The following TEX11 variants were observed in gnomAD, a reference collection of about 807,000 sequenced individuals.
TEX11 encodes testis expressed 11.
In TEX11, 7 loss-of-function variants were observed where a neutral mutation model predicts 84.4. The observed-to-expected ratio is 0.08, with a 90% confidence interval of 0.05 to 0.16. The LOEUF (loss-of-function observed/expected upper bound fraction) is 0.16. TEX11 is among the 10% of genes least tolerant of loss of function. The pLI, the probability that TEX11 is intolerant of heterozygous loss-of-function variation, is 1.00. For missense variants in TEX11, 551 were observed against 660.5 expected, an observed-to-expected ratio of 0.83 and a Z score of 1.82; for synonymous variants, 264 against 222.8, an observed-to-expected ratio of 1.18 and a Z score of -1.64.
At chrX:70,869,137 A>AAAATAAAATAAAATAAAATAAAAT (rs2091617803) in intron 4 of TEX11, among the ~76,000 whole-genome samples, 1 of 105,960 alleles carries the variant, frequency 9.4e-6, no homozygotes, top group African/African-American at 3.6e-5. Flanking sequence ...TAAAGAAAAG[A>AAAATAAAATAAAATAAAATAAAAT]AAAAGAAAAT....
At position 70,880,047 on chromosome X, in the gene TEX11, G is replaced by T; in HGVS notation, c.100C>A (p.Leu34Ile). The stretch of plus-strand genomic sequence containing the variant: ...TTGATATTTGCTATGTCGCTGAAGA[G>T]TCTATCAATTGCCTCTGGTATGTTA... ...SPNIPEAIDR[L>I]FSDIANINRE... The change falls in exon 3 of 30, where the codon CTC becomes ATC. Residue 34 changes from leucine to isoleucine, a missense_variant. Leu to Ile is a conservative substitution (Grantham distance 5, BLOSUM62 2). Coordinates refer to ENST00000374333, the MANE Select transcript of TEX11 (RefSeq NM_031276.3). 8.4e-7 allele frequency: 1 copy of T among 1,184,728 alleles called. No homozygotes were observed. Among genetic ancestry groups the T allele is most frequent in the Non-Finnish European group, 1.1e-6 (1 of 874,091 alleles).
At chrX:70,740,527 G>C (rs1401663401) in intron 11 of TEX11, among the ~76,000 whole-genome samples, 174 bp downstream of exon 11, 1 of 111,069 alleles carries the variant, frequency 9.0e-6, no homozygotes, top group Non-Finnish European at 1.9e-5. Context: ...GAATTTGCGG[G>C]GACACAAACA....
At chrX:70,638,661 C>A (rs144219561) in intron 17 of TEX11, among the ~76,000 whole-genome samples, 8,438 of 108,488 alleles carry the variant, frequency 0.078, 425 homozygotes, top group Admixed American at 0.24. Flanking sequence ...ATTATCTGGG[C>A]ATGGTGGCAT....
At chrX:70,587,008 T>C (rs2088861310) in intron 25 of TEX11, among the ~76,000 whole-genome samples, 1 of 112,113 alleles carries the variant, frequency 8.9e-6, no homozygotes, top group Non-Finnish European at 1.9e-5. Context: ...GGAGCAAAGG[T>C]CACTCTTGCT....
In TEX11 at chrX:70,603,710, A is replaced by G. The variant is rs1465817861; in HGVS notation, c.2067+1691T>C. On this transcript the variant is annotated intron_variant, in intron 24 of 29. Transcript: ENST00000374333. ...AGCCAAAATTGACAAATGGGATCTA[A>G]TTAAACTAAAGAGCTTCTGCACAGC... 3.6e-5 allele frequency among the ~76,000 whole-genome samples: 4 copies of G among 111,450 alleles called. No individual in the cohort carries two copies. The East Asian group carries it at 1.1e-3, about 31-fold the overall frequency.
At chrX:70,724,715 G>A (rs2090586391) in intron 12 of TEX11, among the ~76,000 whole-genome samples, 1 of 110,992 alleles carries the variant, frequency 9.0e-6, no homozygotes, top group Admixed American at 9.7e-5. Context: ...GGTGTTAAAT[G>A]CTTTATACAC....
chrX:70,768,072 C>A (rs376668065), intron 9 of TEX11, among the ~76,000 whole-genome samples: 1 of 110,753 alleles, frequency 9.0e-6, no homozygotes, highest in Admixed American at 9.7e-5. Flanking sequence ...TATTTGATAG[C>A]GCAACAGGGA....
chrX:70,849,380 T>A lies in TEX11; in HGVS notation c.525+3654A>T, dbSNP rs933917632. On this transcript the variant is annotated intron_variant, in intron 7 of 29. Transcript: ENST00000374333. ...CAATTTTTTCTATCTTGCATATGCATCCTTTATCTCACCAATTAAACTATA... is the reference window on the plus strand; with the variant it reads ...CAATTTTTTCTATCTTGCATATGCAACCTTTATCTCACCAATTAAACTATA... Among the ~76,000 whole-genome samples, 15 of 112,224 alleles carry A rather than the reference T, an allele frequency of 1.3e-4. No homozygotes were observed. The South Asian group carries it at 5.6e-3, about 42-fold the overall frequency.
At chrX:70,594,502 A>T (rs1423086430) in intron 24 of TEX11, among the ~76,000 whole-genome samples, 2 of 111,380 alleles carry the variant, frequency 1.8e-5, no homozygotes, top group Non-Finnish European at 3.8e-5. Context: ...ATATATACAC[A>T]TATATGTGAA....
At chrX:70,544,776 T>C (rs1259281263) in intron 28 of TEX11, among the ~76,000 whole-genome samples, 2 of 96,368 alleles carry the variant, frequency 2.1e-5, no homozygotes, top group Non-Finnish European at 4.0e-5. Context: ...GAGGCAGAGG[T>C]TGCAGTGAGC....
At chrX:70,718,460 T>C (rs913493983) in intron 13 of TEX11, among the ~76,000 whole-genome samples, 1 of 112,026 alleles carries the variant, frequency 8.9e-6, no homozygotes, top group Non-Finnish European at 1.9e-5. Context: ...ACTAAGAACA[T>C]GTGAATTAAA....
At chrX:70,583,366 T>C (rs1384819734) in intron 25 of TEX11, among the ~76,000 whole-genome samples, 1 of 111,900 alleles carries the variant, frequency 8.9e-6, no homozygotes, top group Non-Finnish European at 1.9e-5. Context: ...TATTTGACGT[T>C]CTGGTTCTGA....
chrX:70,730,231 T>C (rs1265021549), intron 11 of TEX11, among the ~76,000 whole-genome samples: 1 of 109,860 alleles, frequency 9.1e-6, no homozygotes, highest in Non-Finnish European at 1.9e-5. Flanking sequence ...CCATCAAGGC[T>C]GAACTGCATC....
intron 9 of TEX11, among the ~76,000 whole-genome samples, chrX:70,798,917 G>T (rs1377442148): frequency 9.0e-6 from 1 of 111,105 alleles, no homozygotes; most frequent in Non-Finnish European, 1.9e-5. Flanking sequence ...AAAGCTTATT[G>T]ATATTGTATG....
At chrX:70,530,947 A>G (rs1404648971) in intron 28 of TEX11, among the ~76,000 whole-genome samples, 2 of 110,967 alleles carry the variant, frequency 1.8e-5, no homozygotes, top group East Asian at 5.7e-4. Context: ...AGAAATGAGC[A>G]CTAGGATATT....
chrX:70,611,552 G>A (rs1453339293), intron 20 of TEX11, among the ~76,000 whole-genome samples: 2 of 111,800 alleles, frequency 1.8e-5, no homozygotes, highest in Non-Finnish European at 3.8e-5. Flanking sequence ...GTGAATATTG[G>A]AGCAAAATCT....
intron 20 of TEX11, among the ~76,000 whole-genome samples, chrX:70,612,960 A>G (rs1378106565): frequency 8.9e-6 from 1 of 112,181 alleles, no homozygotes; most frequent in Admixed American, 9.4e-5. Context: ...CTAAAGAGGA[A>G]CAAAGATAAG....
chrX:70,860,692 C>T (rs2091564039), intron 5 of TEX11, among the ~76,000 whole-genome samples, 165 bp downstream of exon 5: 1 of 111,585 alleles, frequency 9.0e-6, no homozygotes, highest in Admixed American at 9.6e-5. Context: ...AGAACTTTAG[C>T]GTAGTAAATA....
intron 2 of TEX11, among the ~76,000 whole-genome samples, chrX:70,887,064 A>G (rs2091713065): frequency 8.9e-6 from 1 of 111,898 alleles, no homozygotes; most frequent in Admixed American, 9.5e-5. Flanking sequence ...CCTGGTTATC[A>G]TTGATGGTTA....
Sources: gnomAD v4.1 joint callset for allele counts (sites outside exome capture counted in the v4.1 genomes callset) on GRCh38, gnomAD v4.1.1 for gene constraint, MANE v1.5 for transcripts, NCBI Gene and HGNC (gene_info 2026-07-23, HGNC 2026-07-21) for gene names.